PTPRE: variants seen among roughly 807,000 people sequenced by gnomAD.
PTPRE encodes receptor-type tyrosine-protein phosphatase epsilon.
Under a neutral mutation model 102.0 loss-of-function variants are expected in PTPRE, and 51 were observed. The observed-to-expected ratio is 0.50, with a 90% CI of 0.40 to 0.63. PTPRE has a LOEUF of 0.63. Ranked by LOEUF, PTPRE falls within the 30% of genes least tolerant of loss-of-function variation. The pLI is 0.00. For synonymous variants in PTPRE, 345 were observed against 348.2 expected, an observed-to-expected ratio of 0.99 and a Z score of 0.10; for missense variants, 752 against 915.1, an observed-to-expected ratio of 0.82 and a Z score of 2.30.
chr10:128,050,115 A>G (rs908491599), intron 6 of PTPRE, among the ~76,000 whole-genome samples: 7 of 143,464 alleles, frequency 4.9e-5, no homozygotes, highest in African/African-American at 1.5e-4. Context: ...TCTCGGCATT[A>G]ATGAAGCAGC....
chr10:127,957,267 G>T (rs990013886), intron 1 of PTPRE, among the ~76,000 whole-genome samples: 1 of 152,146 alleles, frequency 6.6e-6, no homozygotes, highest in African/African-American at 2.4e-5. Context: ...TAAAGCCTGT[G>T]TGTAGATTCA....
intron 2 of PTPRE, among the ~76,000 whole-genome samples, chr10:128,010,358 G>A (rs925798925): frequency 3.9e-5 from 6 of 152,168 alleles, no homozygotes; most frequent in African/African-American, 1.4e-4. Flanking sequence ...CTTGGCTTGG[G>A]GAATTGAAAT....
chr10:128,072,441 T>A, intron 16 of PTPRE: 1 of 423,050 alleles, frequency 2.4e-6, no homozygotes, highest in Non-Finnish European at 4.2e-6. Flanking sequence ...TCACTTGGGG[T>A]CAGGAGTTTG....
chr10:127,987,644 A>C (rs1408034164), intron 2 of PTPRE, among the ~76,000 whole-genome samples: 1 of 152,128 alleles, frequency 6.6e-6, no homozygotes, highest in Admixed American at 6.5e-5. Flanking sequence ...GATGGCATGG[A>C]GGCATTGTCT....
chr10:128,024,161 G>A (rs1039762889), intron 2 of PTPRE, among the ~76,000 whole-genome samples: 7 of 152,184 alleles, frequency 4.6e-5, no homozygotes, highest in Middle Eastern at 3.2e-3. Flanking sequence ...ATTCAGGAAC[G>A]AAGAGTTATC....
chr10:128,082,187 TTC>T (rs943357736), intron 20 of PTPRE, among the ~76,000 whole-genome samples: 1 of 85,106 alleles, frequency 1.2e-5, no homozygotes, highest in African/African-American at 6.0e-5. Flanking sequence ...TCTGATTTTT[TTC>T]TCTTTCTTTT....
At chr10:127,993,557 G>A (rs1247037619) in intron 2 of PTPRE, among the ~76,000 whole-genome samples, 1 of 152,056 alleles carries the variant, frequency 6.6e-6, no homozygotes, top group African/African-American at 2.4e-5. Context: ...AGGAACCTGC[G>A]TTGCTGATGG....
chr10:128,044,544 A>T (rs1339934546), intron 3 of PTPRE, among the ~76,000 whole-genome samples: 1 of 152,214 alleles, frequency 6.6e-6, no homozygotes, highest in Admixed American at 6.5e-5. Flanking sequence ...TCAGGATCAG[A>T]TTCTATGTAA....
At position 127,992,125 on chromosome 10, in the gene PTPRE, T is replaced by TA. The variant is rs573508276; in HGVS notation, c.-8+9829_-8+9830insA. ...ATGGGAAACACAGCTAGCAAGGAGG[T>TA]GGCAGGAGGGGTGCAGATCAGAGGG... On this transcript the variant is annotated intron_variant, in intron 2 of 20. Transcript: ENST00000254667. 7.1e-4 allele frequency among the ~76,000 whole-genome samples: 108 copies of TA among 151,346 alleles called. 1 individual carries two copies. Among genetic ancestry groups the TA allele is most frequent in the African/African-American group, 2.6e-3 (106 of 41,210 alleles).
intron 20 of PTPRE, among the ~76,000 whole-genome samples, chr10:128,082,057 GCCTATATATAAAACAATGTC>G (rs1741159409): frequency 6.6e-6 from 1 of 152,134 alleles, no homozygotes; most frequent in Non-Finnish European, 1.5e-5. Flanking sequence ...GGGAGGACCA[GCCTATATATAAAACAATGTC>G]CCTTTTGTAC....
At chr10:128,079,489 G>T in intron 19 of PTPRE, 71 bp from the exon 20 acceptor site, 2 of 1,559,254 alleles carry the variant, frequency 1.3e-6, no homozygotes, top group South Asian at 1.2e-5. Context: ...GCAGGGGTTG[G>T]CTGTCAGCTC....
intron 2 of PTPRE, among the ~76,000 whole-genome samples, chr10:128,023,732 G>C (rs1846097232): frequency 1.3e-5 from 2 of 152,304 alleles, no homozygotes; most frequent in South Asian, 4.1e-4. Flanking sequence ...AAAGGAAAAA[G>C]TAACAAGACT....
intron 2 of PTPRE, among the ~76,000 whole-genome samples, chr10:128,029,066 G>A (rs1442741423): frequency 1.3e-5 from 2 of 152,148 alleles, no homozygotes; most frequent in East Asian, 1.9e-4. Context: ...GCGACTCCTC[G>A]GAGGCAGATA....
At chr10:127,908,216 T>C (rs1845625149) in intron 1 of PTPRE, among the ~76,000 whole-genome samples, 1 of 152,222 alleles carries the variant, frequency 6.6e-6, no homozygotes, top group Non-Finnish European at 1.5e-5. Flanking sequence ...TACAGCTCTC[T>C]GCTTGTATTT....
chr10:128,035,876 T>C (rs1184294165), intron 2 of PTPRE, among the ~76,000 whole-genome samples: 1 of 152,146 alleles, frequency 6.6e-6, no homozygotes, highest in African/African-American at 2.4e-5. Context: ...AGTCAGGGAC[T>C]GGGAAACGGG....
intron 1 of PTPRE, among the ~76,000 whole-genome samples, chr10:127,961,628 C>G (rs747716): frequency 1.4e-5 from 2 of 147,184 alleles, no homozygotes; most frequent in African/African-American, 5.1e-5. Flanking sequence ...TGTGCATAAG[C>G]GCTCCACCCC....
intron 1 of PTPRE, among the ~76,000 whole-genome samples, chr10:127,969,335 G>A (rs1199065897): frequency 1.1e-4 from 16 of 152,134 alleles, no homozygotes; most frequent in East Asian, 5.8e-4. Context: ...GGCAGGGGCC[G>A]TGAAGACATC....
At chr10:127,987,239 C>A (rs1009227252) in intron 2 of PTPRE, 2 of 899,634 alleles carry the variant, frequency 2.2e-6, no homozygotes, top group Non-Finnish European at 2.8e-6. Context: ...GAAATAGGAA[C>A]ACAGATTTCC....
intron 2 of PTPRE, among the ~76,000 whole-genome samples, chr10:128,020,073 TGTGC>T (rs1845753399): frequency 6.7e-6 from 1 of 149,804 alleles, no homozygotes; most frequent in Admixed American, 6.6e-5. Flanking sequence ...TGTGTGTGTG[TGTGC>T]GTGCACATGC....
Sources: gnomAD v4.1 joint callset for allele counts (sites outside exome capture counted in the v4.1 genomes callset) on GRCh38, gnomAD v4.1.1 for gene constraint, MANE v1.5 for transcripts, NCBI Gene and HGNC (gene_info 2026-07-23, HGNC 2026-07-21) for gene names.